The following RBFOX1 variants were observed in gnomAD, a reference collection of about 807,000 sequenced individuals.
RBFOX1 encodes the protein RNA binding fox-1 homolog 1.
In RBFOX1, 8 loss-of-function variants were observed where a neutral mutation model predicts 57.7. The ratio of observed to expected loss-of-function variants is 0.14; its 90% confidence interval spans 0.08 to 0.25. RBFOX1 has a LOEUF of 0.25. Ranked by LOEUF, RBFOX1 falls within the 10% of genes least tolerant of loss-of-function variation. The pLI is 1.00. For missense variants in RBFOX1, 611 were observed against 548.5 expected (o/e 1.11, Z -1.14); for synonymous variants, 326 against 222.4 (o/e 1.47, Z -4.15).
intron 1 of RBFOX1, among the ~76,000 whole-genome samples, chr16:5,367,536 C>T (rs553492607): frequency 1.3e-5 from 2 of 152,072 alleles, no homozygotes; most frequent in East Asian, 1.9e-4. Context: ...CCATTACTGT[C>T]TTTGGAGTGT....
At chr16:5,403,506 C>T (rs1596880323) in intron 1 of RBFOX1, among the ~76,000 whole-genome samples, 1 of 152,112 alleles carries the variant, frequency 6.6e-6, no homozygotes, top group Non-Finnish European at 1.5e-5. Flanking sequence ...TGCAGTGGCA[C>T]AATCTTGGCT....
intron 3 of RBFOX1, among the ~76,000 whole-genome samples, chr16:6,809,701 T>G (rs1170607940): frequency 6.6e-6 from 1 of 151,684 alleles, no homozygotes; most frequent in Non-Finnish European, 1.5e-5. Flanking sequence ...AGAAGAGGAG[T>G]TTTTCATTGT....
intron 3 of RBFOX1, among the ~76,000 whole-genome samples, chr16:6,729,552 C>T (rs979927149): frequency 6.6e-6 from 1 of 152,100 alleles, no homozygotes; most frequent in African/African-American, 2.4e-5. Flanking sequence ...CCTGGAAAGC[C>T]TAATACTTCT....
chr16:6,727,643 C>G (rs534392254), intron 3 of RBFOX1, among the ~76,000 whole-genome samples: 2 of 151,998 alleles, frequency 1.3e-5, no homozygotes, highest in Non-Finnish European at 2.9e-5. Context: ...GGTCTTCTAC[C>G]CCCTCCTTCC....
chr16:6,770,866 A>T (rs557624078), intron 3 of RBFOX1, among the ~76,000 whole-genome samples: 1 of 152,298 alleles, frequency 6.6e-6, no homozygotes, highest in South Asian at 2.1e-4. Flanking sequence ...TCTCCCATGG[A>T]TAATGCAACA....
At chr16:6,950,320 C>G (rs1004566524) in intron 3 of RBFOX1, among the ~76,000 whole-genome samples, 1 of 151,940 alleles carries the variant, frequency 6.6e-6, no homozygotes. Flanking sequence ...CATGTACACA[C>G]CCATTGCTTT....
chr16:6,522,191 G>GTT (rs1201051956), intron 2 of RBFOX1, among the ~76,000 whole-genome samples: 1 of 150,490 alleles, frequency 6.6e-6, no homozygotes, highest in Non-Finnish European at 1.5e-5. Flanking sequence ...GTGTGTGTGT[G>GTT]TGTGTCTTAA....
chr16:5,551,209 C>G lies in RBFOX1; in HGVS notation c.259-47693C>G, dbSNP rs151213463. Among the ~76,000 whole-genome samples the G allele has an allele frequency of 1.1e-4, 17 of 152,294 alleles. No individual in the cohort carries two copies. In the East Asian group the frequency reaches 3.3e-3, roughly 29 times the overall value. The stretch of plus-strand genomic sequence containing the variant: ...TGGAGCTCTTACCCCGTGACTTCCT[C>G]CAGCAAGCACTTTCCTTCCCCATCC... On this transcript the variant is annotated intron_variant, in intron 2 of 2. Transcript: ENST00000585867.
At chr16:5,851,234 A>G (rs2056890387) in intron 3 of RBFOX1, among the ~76,000 whole-genome samples, 1 of 152,202 alleles carries the variant, frequency 6.6e-6, no homozygotes. Context: ...AGCAGGAAGG[A>G]TATCAGTGTG....
intron 3 of RBFOX1, among the ~76,000 whole-genome samples, chr16:6,779,853 A>ATATT (rs2080169301): frequency 2.8e-5 from 1 of 35,250 alleles, no homozygotes; most frequent in Admixed American, 6.0e-4. Flanking sequence ...ATATATATTT[A>ATATT]TATATATTTA....
At chr16:7,243,488 A>T (rs770131383) in intron 4 of RBFOX1, among the ~76,000 whole-genome samples, 1 of 152,172 alleles carries the variant, frequency 6.6e-6, no homozygotes, top group African/African-American at 2.4e-5. Flanking sequence ...AAAAATTCAC[A>T]TATGTTGTGG....
chr16:5,264,525 C>T (rs1441014522), intron 1 of RBFOX1, among the ~76,000 whole-genome samples: 1 of 152,096 alleles, frequency 6.6e-6, no homozygotes, highest in Non-Finnish European at 1.5e-5. Context: ...CACCAGCTGT[C>T]CTTTTTGGCG....
At chr16:5,306,056 C>T (rs984096055) in intron 1 of RBFOX1, among the ~76,000 whole-genome samples, 2 of 148,870 alleles carry the variant, frequency 1.3e-5, no homozygotes, top group African/African-American at 4.8e-5. Flanking sequence ...ACAAAAGCAA[C>T]TAGGCATGGT....
intron 4 of RBFOX1, among the ~76,000 whole-genome samples, chr16:7,305,940 G>T (rs879606747): frequency 6.6e-6 from 1 of 152,118 alleles, no homozygotes; most frequent in African/African-American, 2.4e-5. Flanking sequence ...AAATGTGTAT[G>T]TGCATGTGCG....
intron 4 of RBFOX1, among the ~76,000 whole-genome samples, chr16:7,301,777 G>A (rs1201765743): frequency 3.3e-5 from 5 of 152,114 alleles, no homozygotes; most frequent in Non-Finnish European, 4.4e-5. Context: ...GTGCGAACCC[G>A]TCCGTACAGC....
rs565248640 is a variant in RBFOX1 at position 6,512,283 on chromosome 16, CAAAA to C, written c.-63-142307_-63-142304del. ...TGGGTAACAGAGCAAGACCCTGTAT[CAAAA>C]AAAAAAAAAAAAGGTAAGAGAAAAA... is the stretch of plus-strand genomic sequence containing the variant. On this transcript the variant is annotated intron_variant, in intron 2 of 15. Transcript: ENST00000550418. Among the ~76,000 whole-genome samples, 39 of 86,960 alleles carry C rather than the reference CAAAA, an allele frequency of 4.5e-4. 2 individuals are homozygous for C. Among genetic ancestry groups the C allele is most frequent in the African/African-American group, 1.3e-3 (26 of 20,164 alleles). The allele number at this position is 86,960 out of a possible 152,430, so 57.0% of individuals were successfully genotyped here. A position where few individuals can be genotyped will look rare whatever the true frequency, so the allele number is the denominator to read the frequency against.
At chr16:6,579,235 A>G (rs552745552) in intron 2 of RBFOX1, among the ~76,000 whole-genome samples, 1 of 152,092 alleles carries the variant, frequency 6.6e-6, no homozygotes, top group African/African-American at 2.4e-5. Flanking sequence ...AAAAGGTCTT[A>G]TTCTGTTACC....
intron 3 of RBFOX1, chr16:6,774,128 G>C: frequency 3.9e-6 from 2 of 515,758 alleles, no homozygotes; most frequent in Non-Finnish European, 2.5e-6. Context: ...CCAAGTTATC[G>C]GAACAAAGAC....
intron 1 of RBFOX1, among the ~76,000 whole-genome samples, chr16:5,451,621 G>T (rs2068427974): frequency 6.6e-6 from 1 of 152,188 alleles, no homozygotes; most frequent in Admixed American, 6.5e-5. Flanking sequence ...ATTTAAGAAA[G>T]AAATAGATTC....
Sources: gnomAD v4.1 joint callset for allele counts (sites outside exome capture counted in the v4.1 genomes callset) on GRCh38, gnomAD v4.1.1 for gene constraint, MANE v1.5 for transcripts, NCBI Gene and HGNC (gene_info 2026-07-23, HGNC 2026-07-21) for gene names.